Variants in KMT2A observed in about 807,000 individuals in gnomAD.
The protein encoded by KMT2A is histone-lysine N-methyltransferase 2A.
A neutral mutation model predicts 345.3 loss-of-function variants in KMT2A; 16 were observed. The observed-to-expected ratio is 0.05, with a 90% confidence interval of 0.03 to 0.07. The LOEUF (loss-of-function observed/expected upper bound fraction) is 0.07. KMT2A is among the 10% of genes least tolerant of loss of function. The probability of loss-of-function intolerance (pLI) is 1.00; values close to 1 mark genes in which losing one functional copy is unlikely to be tolerated. For synonymous variants in KMT2A, 1,599 were observed against 1,778.6 expected, an observed-to-expected ratio of 0.90 and a Z score of 2.54; for missense variants, 3,272 against 4,841.6, an observed-to-expected ratio of 0.68 and a Z score of 9.62.
chr11:118,440,154 C>T (rs538019539), intron 1 of KMT2A, among the ~76,000 whole-genome samples: 2 of 152,102 alleles, frequency 1.3e-5, no homozygotes, highest in African/African-American at 2.4e-5. Flanking sequence ...CTATAACTTG[C>T]CTATGTAACA....
rs782700081 is a variant in KMT2A, at chr11:118,491,763, A to G, written c.4839A>G (p.Leu1613=). The G allele has an allele frequency of 1.4e-5, 22 of 1,608,582 alleles. No homozygotes were observed. In the Admixed American group the frequency reaches 2.7e-4, roughly 20 times the overall value. The change falls in exon 15 of 36, where the codon CTA becomes CTG. Residue 1613 remains leucine (L), a synonymous_variant. Coordinates refer to ENST00000534358, the MANE Select transcript of KMT2A (RefSeq NM_001197104.2). The surrounding 1 kb of genome is among the most constrained non-coding windows in gnomAD (Gnocchi z 4.2). Reference sequence around the variant, plus strand: ...TCTTAGATGAGATGTATGAGATTCTATCTAATCTGCCAGAAAGTGTGGCCT... The same window carrying G: ...TCTTAGATGAGATGTATGAGATTCTGTCTAATCTGCCAGAAAGTGTGGCCT... The part of the protein sequence containing the change: ...SGTEDEMYEI[L]SNLPESVAYT...
rs781897465 is a variant in KMT2A at position 118,501,804 on chromosome 11, C to G, written c.6452C>G (p.Pro2151Arg). The change falls in exon 26 of 36, where the codon CCC becomes CGC. Residue 2151 changes from proline to arginine, a missense_variant. Physicochemically the swap from Pro to Arg is moderately radical, Grantham distance 103. Transcript: ENST00000534358. ...TCAAAGGTCCCCAGGATTCGAACAC[C>G]CAGTTATTCTCCAACACAGAGATCC... ...VISKVPRIRT[P>R]SYSPTQRSPG... is the part of the protein sequence containing the mutation. The G allele has an allele frequency of 6.2e-7, 1 of 1,614,076 alleles. No homozygotes were observed. Among genetic ancestry groups the G allele is most frequent in the South Asian group, 1.1e-5 (1 of 91,068 alleles).
rs140149257 is a variant in KMT2A, at chr11:118,476,568, T to G, written c.3157-237T>G. Among the ~76,000 whole-genome samples, 284 of 152,298 alleles carry G rather than the reference T, an allele frequency of 1.9e-3. 1 individual carries two copies. The highest frequency in any genetic ancestry group is 6.3e-3 in the African/African-American group (263 of 41,572). Reference sequence around the variant, plus strand: ...CTGGTCTTGAACTCCTGGCCTCAAATGATCTTCCCACCTCAAGCTGTTTTT... The same window carrying G: ...CTGGTCTTGAACTCCTGGCCTCAAAGGATCTTCCCACCTCAAGCTGTTTTT... On this transcript the variant is annotated intron_variant, in intron 3 of 35. Coordinates refer to ENST00000534358, the MANE Select transcript of KMT2A (RefSeq NM_001197104.2). The surrounding 1 kb of genome is among the most constrained non-coding windows in gnomAD (Gnocchi z 4.1).
In KMT2A at chr11:118,494,949, C is replaced by T. The variant is rs145288366; in HGVS notation, c.5363+182C>T. Among the ~76,000 whole-genome samples, 1,310 of 152,010 alleles carry T rather than the reference C, an allele frequency of 8.6e-3. 13 individuals carry two copies. The highest frequency in any genetic ancestry group is 0.015 in the Non-Finnish European group (1,028 of 67,956). On this transcript the variant is annotated intron_variant, in intron 18 of 35. Transcript: ENST00000534358. The surrounding 1 kb of genome is among the most constrained non-coding windows in gnomAD (Gnocchi z 5.8). Reference sequence around the variant, plus strand: ...TGTTATAAGCAATTGCCTTTTTGTTCTTTACTTTTATATTTGTTTTATTGT... The same window carrying T: ...TGTTATAAGCAATTGCCTTTTTGTTTTTTACTTTTATATTTGTTTTATTGT...
At chr11:118,475,032 T>C (rs1428496199) in intron 3 of KMT2A, among the ~76,000 whole-genome samples, 3 of 151,810 alleles carry the variant, frequency 2.0e-5, no homozygotes, top group South Asian at 4.2e-4. Flanking sequence ...ACTGGGGAGA[T>C]TGAGGCACAA....
intron 10 of KMT2A, 52 bp from the exon 11 acceptor site, chr11:118,488,561 GT>G (rs1950270860): frequency 6.3e-7 from 1 of 1,590,902 alleles, no homozygotes; most frequent in East Asian, 2.2e-5. Context: ...GGTTGATTAT[GT>G]TTTTCTACAT....
At chr11:118,445,720 G>A (rs1414408491) in intron 1 of KMT2A, among the ~76,000 whole-genome samples, 1 of 152,144 alleles carries the variant, frequency 6.6e-6, no homozygotes. Flanking sequence ...GTACAGTTTT[G>A]GGTTGGGCGC....
At chr11:118,467,694 T>C (rs1277934185) in intron 1 of KMT2A, among the ~76,000 whole-genome samples, 2 of 152,182 alleles carry the variant, frequency 1.3e-5, no homozygotes, top group African/African-American at 4.8e-5. Flanking sequence ...ACTGAGAAAA[T>C]AATCCTTCAG....
chr11:118,442,397 C>A (rs1201977350), intron 1 of KMT2A, among the ~76,000 whole-genome samples: 2 of 152,276 alleles, frequency 1.3e-5, no homozygotes, highest in South Asian at 2.1e-4. Context: ...AGATTCTTAA[C>A]CCTGTAGGCA....
In KMT2A at chr11:118,473,225, A is replaced by G. The variant is rs1327726074; in HGVS notation, c.2066A>G (p.Asp689Gly). 1 of 1,612,338 alleles carries G rather than the reference A, an allele frequency of 6.2e-7. No individual in the cohort carries two copies. The highest frequency in any genetic ancestry group is 8.5e-7 in the Non-Finnish European group (1 of 1,179,230). ...FSPLHSGTRF[D>G]MHKRSPLLRA... ...CCACTCCATTCTGGAACAAGGTTTG[A>G]TATGCACAAAAGGAGCCCTCTTCTG... Residue 689 changes from aspartate (D) to glycine (G), a missense_variant, in exon 3 of 36, where the codon GAT becomes GGT. Transcript: ENST00000534358. This position sits in a 1 kb window ranked among gnomAD's most constrained non-coding sequence, Gnocchi z 5.2.
chr11:118,519,095 A>AG lies in KMT2A; in HGVS notation c.11147-523_11147-522insG, dbSNP rs1227960978. ...TCCATCTCAAAAAAAAAAAAAAAAAAAAAAGAAAATTAAACTTTAGTGAGG... is the reference window on the plus strand; with the variant it reads ...TCCATCTCAAAAAAAAAAAAAAAAAAGAAAAGAAAATTAAACTTTAGTGAGG... On this transcript the variant is annotated intron_variant, in intron 31 of 35. Coordinates refer to ENST00000534358, the MANE Select transcript of KMT2A (RefSeq NM_001197104.2). Among the ~76,000 whole-genome samples the AG allele has an allele frequency of 6.0e-5, 9 of 150,964 alleles. 1 individual carries two copies. The South Asian group carries it at 1.1e-3, about 18-fold the overall frequency.
Position 118,489,836 on chromosome 11 carries a change from G to C in KMT2A, c.4524G>C (p.Glu1508Asp), listed in dbSNP as rs1349887077. The change falls in exon 12 of 36, where the codon GAG becomes GAC. Residue 1508 changes from glutamate to aspartate, a missense_variant. Coordinates refer to ENST00000534358, the MANE Select transcript of KMT2A (RefSeq NM_001197104.2). ...AGTGCCGAAACAGCTATCACCCTGAGTGCCTGGGACCAAACTACCCCACCA... is the reference window on the plus strand; with the variant it reads ...AGTGCCGAAACAGCTATCACCCTGACTGCCTGGGACCAAACTACCCCACCA... Reference protein sequence around the residue: ...CNKCRNSYHPECLGPNYPTKP... With the variant: ...CNKCRNSYHPDCLGPNYPTKP... 8 of 1,614,048 alleles carry C rather than the reference G, an allele frequency of 5.0e-6. No individual in the cohort carries two copies. The highest frequency in any genetic ancestry group is 5.9e-6 in the Non-Finnish European group (7 of 1,180,034).
At chr11:118,471,544 C>T in intron 2 of KMT2A, 118 bp from the exon 3 acceptor site, 3 of 568,596 alleles carry the variant, frequency 5.3e-6, no homozygotes, top group Middle Eastern at 3.3e-4. Flanking sequence ...TTGATTGACT[C>T]ATTAGACTCA....
intron 1 of KMT2A, chr11:118,438,922 G>T: frequency 2.5e-6 from 1 of 404,536 alleles, no homozygotes; most frequent in South Asian, 1.8e-5. Context: ...CCTTTTCCCA[G>T]CCTTCAGAAG....
intron 5 of KMT2A, among the ~76,000 whole-genome samples, chr11:118,479,308 C>G (rs1950092160): frequency 6.6e-6 from 1 of 152,150 alleles, no homozygotes; most frequent in Non-Finnish European, 1.5e-5. Context: ...TGTGGAGGTA[C>G]TTTCTGCCAT....
chr11:118,512,084 C>A, intron 31 of KMT2A, 59 bp downstream of exon 31: 1 of 1,484,828 alleles, frequency 6.7e-7, no homozygotes, highest in African/African-American at 1.4e-5. Flanking sequence ...AATTGTTCGC[C>A]TAAGGCAGAG....
chr11:118,482,325 T>G lies in KMT2A; in HGVS notation c.4013-97T>G, dbSNP rs373406129. The G allele has an allele frequency of 3.4e-5, 32 of 943,420 alleles. No homozygotes were observed. In the East Asian group the frequency reaches 5.0e-4, roughly 15 times the overall value. 58.4% of individuals were successfully genotyped at this position (943,420 alleles called of 1,614,324 possible). A position where few individuals can be genotyped will look rare whatever the true frequency, so the allele number is the denominator to read the frequency against. The stretch of plus-strand genomic sequence containing the variant: ...TTCGAAGCCTAGAGTTTAAATAGTT[T>G]TTTTTTTTTTTTTCTAATGGCCCTT... On this transcript the variant is annotated intron_variant, in intron 7 of 35. Coordinates refer to ENST00000534358, the MANE Select transcript of KMT2A (RefSeq NM_001197104.2).
intron 4 of KMT2A, 86 bp downstream of exon 4, chr11:118,477,068 T>G: frequency 7.8e-7 from 1 of 1,285,014 alleles, no homozygotes; most frequent in Non-Finnish European, 1.1e-6. Context: ...AGGCTCTTCA[T>G]AGTTAGTAGG....
intron 31 of KMT2A, among the ~76,000 whole-genome samples, chr11:118,517,289 G>A (rs1257806280): frequency 5.9e-5 from 9 of 151,572 alleles, no homozygotes; most frequent in Non-Finnish European, 1.0e-4. Context: ...CCAGCTACTC[G>A]GGAGGCTGAG....
Sources: gnomAD v4.1 joint callset for allele counts (sites outside exome capture counted in the v4.1 genomes callset) on GRCh38, gnomAD v4.1.1 for gene constraint, Gnocchi (gnomAD v3.1) non-coding constraint, MANE v1.5 for transcripts, NCBI Gene and HGNC (gene_info 2026-07-23, HGNC 2026-07-21) for gene names.